Variants in DLG1 observed in about 807,000 individuals in gnomAD.
DLG1 encodes the protein disks large homolog 1.
Under a neutral mutation model 123.4 loss-of-function variants are expected in DLG1, and 42 were observed. The ratio of observed to expected loss-of-function variants is 0.34; its 90% confidence interval spans 0.27 to 0.44. The LOEUF is 0.44. DLG1 is among the 20% of genes least tolerant of loss of function. The probability of loss-of-function intolerance (pLI) is 1.00; values close to 1 mark genes in which losing one functional copy is unlikely to be tolerated. For synonymous variants in DLG1, 317 were observed against 356.2 expected (o/e 0.89, Z 1.24); for missense variants, 942 against 1,082.6 (o/e 0.87, Z 1.82).
At chr3:197,282,452 T>C (rs1199202828) in intron 4 of DLG1, among the ~76,000 whole-genome samples, 1 of 152,200 alleles carries the variant, frequency 6.6e-6, no homozygotes, top group East Asian at 1.9e-4. Flanking sequence ...CTAAATCAAG[T>C]ATTTCAGACT....
chr3:197,156,173 G>A (rs952467369), intron 5 of DLG1, among the ~76,000 whole-genome samples: 20 of 152,278 alleles, frequency 1.3e-4, no homozygotes, highest in African/African-American at 4.8e-4. Flanking sequence ...ACTGAAAGGG[G>A]TTGGGACAGA....
chr3:197,099,220 T>G (rs952767818), intron 14 of DLG1, among the ~76,000 whole-genome samples: 1 of 152,194 alleles, frequency 6.6e-6, no homozygotes, highest in African/African-American at 2.4e-5. Flanking sequence ...CATGCATCAC[T>G]ATGCCCAGCT....
At chr3:197,088,089 G>A (rs1755471738) in intron 15 of DLG1, among the ~76,000 whole-genome samples, 1 of 152,168 alleles carries the variant, frequency 6.6e-6, no homozygotes, top group South Asian at 2.1e-4. Flanking sequence ...GAATGACGTG[G>A]GACAGGAGAG....
At chr3:197,106,672 G>A (rs1349168049) in intron 13 of DLG1, among the ~76,000 whole-genome samples, 1 of 152,076 alleles carries the variant, frequency 6.6e-6, no homozygotes, top group Non-Finnish European at 1.5e-5. Flanking sequence ...TTATTTCTGT[G>A]CACCAAACTC....
intron 4 of DLG1, among the ~76,000 whole-genome samples, chr3:197,228,911 C>T (rs1741359480): frequency 6.6e-6 from 1 of 152,066 alleles, no homozygotes; most frequent in Non-Finnish European, 1.5e-5. Flanking sequence ...TTATCAAAAG[C>T]TTGGAAAAAG....
At chr3:197,109,787 GT>G (rs1385382948) in intron 13 of DLG1, among the ~76,000 whole-genome samples, 1 of 152,258 alleles carries the variant, frequency 6.6e-6, no homozygotes, top group East Asian at 1.9e-4. Flanking sequence ...AGTCAACAAA[GT>G]TTTTTTCTTT....
At chr3:197,119,061 T>C (rs1006903617) in intron 12 of DLG1, among the ~76,000 whole-genome samples, 6 of 152,262 alleles carry the variant, frequency 3.9e-5, no homozygotes, top group African/African-American at 1.4e-4. Context: ...ATAACTGCCA[T>C]ATTTTTATGG....
intron 4 of DLG1, among the ~76,000 whole-genome samples, chr3:197,272,789 C>A (rs1379055812): frequency 6.6e-6 from 1 of 152,138 alleles, no homozygotes; most frequent in African/African-American, 2.4e-5. Flanking sequence ...GAACGCAAAA[C>A]TAATCTATGA....
intron 4 of DLG1, among the ~76,000 whole-genome samples, chr3:197,281,408 C>G (rs1161236429): frequency 6.6e-6 from 1 of 152,138 alleles, no homozygotes; most frequent in Non-Finnish European, 1.5e-5. Flanking sequence ...TAATCACCTC[C>G]TAAAGGTCCC....
intron 4 of DLG1, among the ~76,000 whole-genome samples, chr3:197,232,184 C>T (rs1743511861): frequency 6.6e-6 from 1 of 151,960 alleles, no homozygotes; most frequent in South Asian, 2.1e-4. Context: ...TGGCACTGTT[C>T]TGTCATAGTA....
chr3:197,053,946 GC>G (rs1729776168), intron 23 of DLG1, among the ~76,000 whole-genome samples: 2 of 151,856 alleles, frequency 1.3e-5, no homozygotes, highest in Admixed American at 6.6e-5. Flanking sequence ...ACAAAAATTA[GC>G]CAGGCGTGGC....
In DLG1 at chr3:197,142,703, G is replaced by A. The variant is rs771713471; in HGVS notation, c.588+15C>T. 2 of 1,584,210 alleles carry A rather than the reference G, an allele frequency of 1.3e-6. No homozygotes were observed. Among genetic ancestry groups the A allele is most frequent in the South Asian group, 1.2e-5 (1 of 86,598 alleles). On this transcript the variant is annotated intron_variant, in intron 7 of 24. Coordinates refer to ENST00000667157, the MANE Select transcript of DLG1 (RefSeq NM_001366207.1). ...AAAGTTCTCTAGAACAACAGATTAA[G>A]ATAATAGTTTTTACCCTTTCAAGTG...
At chr3:197,298,142 C>T in intron 1 of DLG1, 1 of 202,044 alleles carries the variant, frequency 4.9e-6, no homozygotes, top group Non-Finnish European at 9.5e-6. Context: ...AGCTGGCCTG[C>T]CGCGCTCCCA....
At chr3:197,057,505 G>A (rs907858119) in intron 23 of DLG1, among the ~76,000 whole-genome samples, 17 of 152,230 alleles carry the variant, frequency 1.1e-4, no homozygotes, top group Non-Finnish European at 2.2e-4. Context: ...TGCATGTTCA[G>A]CTTTAGGAGA....
At chr3:197,207,034 T>C (rs1029751601) in intron 4 of DLG1, among the ~76,000 whole-genome samples, 2 of 152,240 alleles carry the variant, frequency 1.3e-5, no homozygotes, top group African/African-American at 4.8e-5. Flanking sequence ...GCCACACTCA[T>C]TCTCATTTCC....
At chr3:197,245,675 T>C (rs1052068017) in intron 4 of DLG1, among the ~76,000 whole-genome samples, 2 of 152,172 alleles carry the variant, frequency 1.3e-5, no homozygotes, top group Non-Finnish European at 2.9e-5. Flanking sequence ...AACACCCATT[T>C]ACCTTCTGAG....
intron 11 of DLG1, among the ~76,000 whole-genome samples, chr3:197,127,200 A>G (rs568247297): frequency 1.3e-5 from 2 of 151,670 alleles, no homozygotes; most frequent in East Asian, 3.9e-4. Context: ...AGGCAGGTGG[A>G]TCACCTGAGG....
At chr3:197,118,409 C>A (rs751846810) in intron 12 of DLG1, among the ~76,000 whole-genome samples, 22 of 152,246 alleles carry the variant, frequency 1.4e-4, no homozygotes, top group Non-Finnish European at 2.1e-4. Context: ...TAATTTTCAT[C>A]CCAAACACAA....
chr3:197,253,179 A>T (rs934554938), intron 4 of DLG1, among the ~76,000 whole-genome samples: 1 of 152,218 alleles, frequency 6.6e-6, no homozygotes, highest in African/African-American at 2.4e-5. Flanking sequence ...CTGACTAAGG[A>T]CTAGTACACT....
Sources: allele counts gnomAD v4.1 joint callset (sites outside exome capture counted in the v4.1 genomes callset), GRCh38; gene constraint gnomAD v4.1.1; transcripts MANE v1.5; gene names NCBI Gene and HGNC (gene_info 2026-07-23, HGNC 2026-07-21).